NETO1: variants seen among roughly 807,000 people sequenced by gnomAD.
The protein encoded by NETO1 is neuropilin and tolloid like 1.
NETO1 carries 26 observed loss-of-function variants against 61.3 expected under a neutral mutation model. That is an observed-to-expected ratio of 0.42 (90% CI 0.31 to 0.59). The LOEUF (loss-of-function observed/expected upper bound fraction) is 0.59. Among genes scored for constraint, NETO1 ranks in the 20% least tolerant of loss-of-function variants. NETO1 has a pLI of 0.12. For synonymous variants in NETO1, 225 were observed against 225.8 expected, an observed-to-expected ratio of 1.00 and a Z score of 0.03; for missense variants, 531 against 662.8, an observed-to-expected ratio of 0.80 and a Z score of 2.18.
Position 72,747,791 on chromosome 18 carries a change from T to C in NETO1, c.*388A>G, listed in dbSNP as rs1006872612. 1.3e-5 allele frequency: 2 copies of C among 152,066 alleles called. No individual in the cohort carries two copies. Among genetic ancestry groups the C allele is most frequent in the Admixed American group, 6.6e-5 (1 of 15,264 alleles). 9.4% of individuals were successfully genotyped at this position (152,066 alleles called of 1,614,324 possible). On this transcript the variant is annotated 3_prime_UTR_variant, in exon 11 of 11. Transcript: ENST00000327305. ...ACATGTAACACAAGGTTCATCCAAATTCGTGTTTTTTTTTCACATATCACA... is the reference window on the plus strand; with the variant it reads ...ACATGTAACACAAGGTTCATCCAAACTCGTGTTTTTTTTTCACATATCACA...
At chr18:72,845,524 C>T (rs897472251) in intron 4 of NETO1, among the ~76,000 whole-genome samples, 6 of 152,126 alleles carry the variant, frequency 3.9e-5, no homozygotes, top group African/African-American at 1.4e-4. Flanking sequence ...AAGACCTACA[C>T]AAATAGACCA....
Position 72,865,168 on chromosome 18 carries a change from A to AT in NETO1, c.82+19dup. On this transcript the variant is annotated intron_variant, in intron 2 of 10. Coordinates refer to ENST00000327305, the MANE Select transcript of NETO1 (RefSeq NM_138966.5). ...AAATAATTCGAGGTCTTCCACTAGC[A>AT]TTTTTCTAAGTAAACACACCTGTTC... is the stretch of plus-strand genomic sequence containing the variant. 2.5e-6 allele frequency: 4 copies of AT among 1,608,240 alleles called. No individual in the cohort carries two copies. Among genetic ancestry groups the AT allele is most frequent in the Non-Finnish European group, 3.4e-6 (4 of 1,176,752 alleles).
chr18:72,753,884 C>A (rs1259505192), intron 8 of NETO1, among the ~76,000 whole-genome samples: 1 of 151,942 alleles, frequency 6.6e-6, no homozygotes, highest in Non-Finnish European at 1.5e-5. Flanking sequence ...TGAAGAGAAC[C>A]AGAAATAGTA....
chr18:72,865,318 G>A (rs931357155), intron 1 of NETO1, 77 bp from the exon 2 acceptor site: 1 of 1,304,012 alleles, frequency 7.7e-7, no homozygotes, highest in African/African-American at 1.5e-5. Flanking sequence ...ATAATTTCAA[G>A]ATAAAATAAT....
chr18:72,830,967 G>C lies in NETO1; in HGVS notation c.469+27859C>G, dbSNP rs7238154. 0.19 allele frequency among the ~76,000 whole-genome samples: 29,319 copies of C among 151,938 alleles called. 3,403 individuals are homozygous for C. Among genetic ancestry groups the C allele is most frequent in the Middle Eastern group, 0.27 (78 of 294 alleles). ...TGCCTTCTGACTGCAAAATCTTCTT[G>C]ATGAGGTATACTATTACCTCATCAA... On this transcript the variant is annotated intron_variant, in intron 4 of 10. Transcript: ENST00000327305. This position sits in a 1 kb window ranked among gnomAD's most constrained non-coding sequence, Gnocchi z 4.9.
chr18:72,866,849 A>T, intron 1 of NETO1: 2 of 975,310 alleles, frequency 2.1e-6, no homozygotes, highest in Non-Finnish European at 2.5e-6. Flanking sequence ...TACCTCCTGT[A>T]CTGCGAACAG....
intron 7 of NETO1, among the ~76,000 whole-genome samples, chr18:72,758,680 A>C (rs2070869591): frequency 6.6e-6 from 1 of 152,038 alleles, no homozygotes; most frequent in African/African-American, 2.4e-5. Flanking sequence ...TACTAAAAAT[A>C]TAAAAATTAG....
rs1219805374 is a variant in NETO1 at position 72,804,336 on chromosome 18, AG to A, written c.470-9933del. ...AAAGAACTCTAAATTACAATTTAAT[AG>A]CTCAGGCTTGCACGATGTATTTATT... On this transcript the variant is annotated intron_variant, in intron 4 of 10. Coordinates refer to ENST00000327305, the MANE Select transcript of NETO1 (RefSeq NM_138966.5). Among the ~76,000 whole-genome samples, 9 of 152,332 alleles carry A rather than the reference AG, an allele frequency of 5.9e-5. No homozygotes were observed. In the South Asian group the frequency reaches 8.3e-4, roughly 14 times the overall value.
intron 4 of NETO1, among the ~76,000 whole-genome samples, chr18:72,840,238 C>A (rs767108225): frequency 6.6e-6 from 1 of 152,190 alleles, no homozygotes; most frequent in Non-Finnish European, 1.5e-5. Flanking sequence ...ATGATTGAGA[C>A]ACCAGATAAG....
chr18:72,759,763 C>T (rs192694908), intron 7 of NETO1, among the ~76,000 whole-genome samples: 1 of 152,286 alleles, frequency 6.6e-6, no homozygotes, highest in Admixed American at 6.5e-5. Context: ...TTACATAAGA[C>T]TTATTCTACT....
rs149193005 is a variant in NETO1 at position 72,750,399 on chromosome 18, C to T, written c.1204G>A (p.Gly402Arg). ...ACATCTGCAAAGTCAGCTGTAGCTC[C>T]TGTCCCTCTGAGAGTGCATAACTCA... ...HYELCTLRGT[G>R]ATADFADVAD... The change falls in exon 9 of 11, where the codon GGA (glycine) becomes AGA (arginine). Residue 402 changes from glycine (G) to arginine (R), a missense_variant. Coordinates refer to ENST00000327305, the MANE Select transcript of NETO1 (RefSeq NM_138966.5). The T allele has an allele frequency of 3.1e-3, 5,084 of 1,614,156 alleles. 10 individuals carry two copies. The highest frequency in any genetic ancestry group is 0.012 in the Middle Eastern group (72 of 6,060).
rs751495956 is a variant in NETO1 at position 72,744,804 on chromosome 18, C to A, written c.*3375G>T. 1 of 152,058 alleles carries A rather than the reference C, an allele frequency of 6.6e-6. No individual in the cohort carries two copies. Among genetic ancestry groups the A allele is most frequent in the Non-Finnish European group, 1.5e-5 (1 of 68,022 alleles). 9.4% of individuals were successfully genotyped at this position (152,058 alleles called of 1,614,324 possible). ...GTAAATTAATTGCCGCCACTTTAAT[C>A]AAGGTAATAGGAACCAGGGGGTCAT... On this transcript the variant is annotated 3_prime_UTR_variant, in exon 11 of 11. Coordinates refer to ENST00000327305, the MANE Select transcript of NETO1 (RefSeq NM_138966.5).
chr18:72,813,660 A>G (rs947158939), intron 4 of NETO1, among the ~76,000 whole-genome samples: 3 of 152,214 alleles, frequency 2.0e-5, no homozygotes, highest in Non-Finnish European at 2.9e-5. Flanking sequence ...CAGTAATTGC[A>G]ATAAAAAACT....
intron 1 of NETO1, among the ~76,000 whole-genome samples, chr18:72,866,083 C>A (rs1235043761): frequency 1.3e-5 from 2 of 152,142 alleles, no homozygotes; most frequent in Non-Finnish European, 2.9e-5. Flanking sequence ...AACATTTTTA[C>A]AAGACAAAAC....
At chr18:72,831,677 C>A (rs187661025) in intron 4 of NETO1, among the ~76,000 whole-genome samples, 1 of 152,206 alleles carries the variant, frequency 6.6e-6, no homozygotes, top group African/African-American at 2.4e-5. Context: ...TTGGCAGTTT[C>A]ATTGTTTCAA....
intron 1 of NETO1, chr18:72,865,839 A>C: frequency 1.6e-6 from 1 of 628,190 alleles, no homozygotes; most frequent in Non-Finnish European, 2.5e-6. Context: ...CCTCCAAGTA[A>C]CCCCGTCCCT....
At chr18:72,849,982 C>A (rs1323491455) in intron 4 of NETO1, among the ~76,000 whole-genome samples, 1 of 152,214 alleles carries the variant, frequency 6.6e-6, no homozygotes, top group African/African-American at 2.4e-5. Context: ...ACTGAGAAAG[C>A]CTTGTAATTA....
chr18:72,765,567 T>C (rs2071125758), intron 7 of NETO1, among the ~76,000 whole-genome samples: 1 of 152,060 alleles, frequency 6.6e-6, no homozygotes, highest in Admixed American at 6.6e-5. Flanking sequence ...TACAGGCACC[T>C]GTCACTGTGC....
At chr18:72,806,844 C>A (rs1383257165) in intron 4 of NETO1, among the ~76,000 whole-genome samples, 1 of 152,178 alleles carries the variant, frequency 6.6e-6, no homozygotes, top group Non-Finnish European at 1.5e-5. Flanking sequence ...GTGTACACAT[C>A]TTTACTGAAA....
Sources: allele counts gnomAD v4.1 joint callset (sites outside exome capture counted in the v4.1 genomes callset), GRCh38; gene constraint gnomAD v4.1.1; non-coding constraint Gnocchi (gnomAD v3.1); transcripts MANE v1.5; gene names NCBI Gene and HGNC (gene_info 2026-07-23, HGNC 2026-07-21).